SDC2: variants seen among roughly 807,000 people sequenced by gnomAD.
SDC2 encodes the protein syndecan 2, also known as syndecan-2.
A neutral mutation model predicts 22.2 loss-of-function variants in SDC2; 13 were observed. The observed-to-expected ratio is 0.59, with a 90% CI of 0.38 to 0.93. The LOEUF (loss-of-function observed/expected upper bound fraction) is 0.93. Among genes scored for constraint, SDC2 ranks in the 40% least tolerant of loss-of-function variants. The probability of loss-of-function intolerance (pLI) is 0.00; values close to 1 mark genes in which losing one functional copy is unlikely to be tolerated. For synonymous variants in SDC2, 94 were observed against 92.8 expected (o/e 1.01, Z -0.07); for missense variants, 235 against 246.8 (o/e 0.95, Z 0.32).
At chr8:96,570,352 C>T (rs139830439) in intron 1 of SDC2, among the ~76,000 whole-genome samples, 88 of 152,264 alleles carry the variant, frequency 5.8e-4, no homozygotes, top group African/African-American at 2.0e-3. Flanking sequence ...TTTTCAAAAG[C>T]ATCTGCCTTA....
intron 1 of SDC2, among the ~76,000 whole-genome samples, chr8:96,495,250 A>G (rs888981387): frequency 1.3e-5 from 2 of 152,030 alleles, no homozygotes; most frequent in Non-Finnish European, 2.9e-5. Context: ...GGCCGGGAGG[A>G]GTCTCGTCTC....
intron 1 of SDC2, among the ~76,000 whole-genome samples, chr8:96,556,928 G>GA (rs1309447818): frequency 6.6e-6 from 1 of 150,484 alleles, no homozygotes; most frequent in Non-Finnish European, 1.5e-5. Flanking sequence ...AAATTTACAA[G>GA]AAAAAAACAA....
At chr8:96,521,713 A>G (rs778983644) in intron 1 of SDC2, among the ~76,000 whole-genome samples, 1 of 152,220 alleles carries the variant, frequency 6.6e-6, no homozygotes, top group Non-Finnish European at 1.5e-5. Flanking sequence ...CGGTTGTAAC[A>G]AGATCCTCAG....
At position 96,597,844 on chromosome 8, in the gene SDC2, TAAATA is replaced by T. The variant is rs940682857; in HGVS notation, c.172+4258_172+4262del. Reference sequence around the variant, plus strand: ...ATTCTAGGTTCTAGGGACACTTCAGTAAATAAAATCTAACAATGTTTTCTCTGGCG... The same window carrying T: ...ATTCTAGGTTCTAGGGACACTTCAGTAAATCTAACAATGTTTTCTCTGGCG... On this transcript the variant is annotated intron_variant, in intron 2 of 4. Transcript: ENST00000302190. 5.3e-5 allele frequency among the ~76,000 whole-genome samples: 8 copies of T among 152,352 alleles called. No individual in the cohort carries two copies. The East Asian group carries it at 1.5e-3, about 29-fold the overall frequency.
At chr8:96,595,571 A>G (rs1814860207) in intron 2 of SDC2, among the ~76,000 whole-genome samples, 1 of 152,064 alleles carries the variant, frequency 6.6e-6, no homozygotes, top group Non-Finnish European at 1.5e-5. Flanking sequence ...CCAGGAAATA[A>G]TAACTATGGA....
chr8:96,511,052 A>G (rs971755624), intron 1 of SDC2, among the ~76,000 whole-genome samples: 1 of 152,140 alleles, frequency 6.6e-6, no homozygotes, highest in Non-Finnish European at 1.5e-5. Flanking sequence ...CTTGTTAGAA[A>G]TGGAGATTCT....
intron 1 of SDC2, among the ~76,000 whole-genome samples, chr8:96,500,681 A>AAAG (rs1813147952): frequency 6.7e-6 from 1 of 149,836 alleles, no homozygotes; most frequent in Non-Finnish European, 1.5e-5. Flanking sequence ...AAAAAAAAAA[A>AAAG]GAGTGGAAAT....
intron 1 of SDC2, among the ~76,000 whole-genome samples, chr8:96,565,278 G>A (rs35031423): frequency 0.12 from 18,378 of 150,416 alleles, 1,382 homozygotes; most frequent in African/African-American, 0.22. Context: ...GTAGAGACAG[G>A]GTTTCACCAT....
chr8:96,555,346 T>C (rs775768247), intron 1 of SDC2, among the ~76,000 whole-genome samples: 13 of 152,178 alleles, frequency 8.5e-5, no homozygotes, highest in Non-Finnish European at 1.3e-4. Context: ...CTTGGCTAGA[T>C]TTGAACAAAT....
chr8:96,545,979 C>T (rs900157943), intron 1 of SDC2, among the ~76,000 whole-genome samples: 4 of 152,284 alleles, frequency 2.6e-5, no homozygotes, highest in South Asian at 2.1e-4. Flanking sequence ...ATGCGTGCAG[C>T]GAGGCAACAG....
intron 1 of SDC2, among the ~76,000 whole-genome samples, chr8:96,558,986 G>T (rs564013700): frequency 7.2e-5 from 11 of 152,326 alleles, no homozygotes; most frequent in African/African-American, 2.6e-4. Context: ...TGGATTGCCA[G>T]TGGAGGAGCT....
At chr8:96,589,062 T>C (rs868594127) in intron 1 of SDC2, among the ~76,000 whole-genome samples, 1 of 152,256 alleles carries the variant, frequency 6.6e-6, no homozygotes, top group African/African-American at 2.4e-5. Flanking sequence ...CTTGATCTTT[T>C]GTGTATTGAA....
chr8:96,505,917 G>T (rs914397475), intron 1 of SDC2, among the ~76,000 whole-genome samples: 2 of 152,158 alleles, frequency 1.3e-5, no homozygotes, highest in African/African-American at 4.8e-5. Context: ...ATTATTTAGA[G>T]AATTGAAAAT....
chr8:96,500,797 G>A (rs1813149433), intron 1 of SDC2, among the ~76,000 whole-genome samples: 1 of 152,042 alleles, frequency 6.6e-6, no homozygotes. Context: ...TTAGCAACAA[G>A]GATGGAGGGG....
intron 1 of SDC2, among the ~76,000 whole-genome samples, chr8:96,531,191 T>C (rs765960165): frequency 2.0e-4 from 31 of 152,220 alleles, no homozygotes; most frequent in Non-Finnish European, 2.9e-4. Flanking sequence ...AGTAGATTGT[T>C]CAAGGTTACA....
At chr8:96,565,084 A>ATTGTTTTTTTTTTTTTTTTTTTT (rs1814273953) in intron 1 of SDC2, among the ~76,000 whole-genome samples, 1 of 67,800 alleles carries the variant, frequency 1.5e-5, no homozygotes, top group African/African-American at 5.4e-5. Context: ...CCTAAATTTG[A>ATTGTTTTTTTTTTTTTTTTTTTT]TTTTTTTTTT....
intron 1 of SDC2, among the ~76,000 whole-genome samples, chr8:96,539,310 A>G (rs1405919082): frequency 6.6e-6 from 1 of 152,198 alleles, no homozygotes; most frequent in Non-Finnish European, 1.5e-5. Context: ...GAGATGATAT[A>G]AAATTATTTT....
intron 1 of SDC2, among the ~76,000 whole-genome samples, chr8:96,505,694 A>G (rs971154401): frequency 1.3e-5 from 2 of 152,258 alleles, no homozygotes; most frequent in Non-Finnish European, 2.9e-5. Flanking sequence ...TCGCTTAAAT[A>G]AGAATGGTGT....
At chr8:96,554,397 C>T (rs771409139) in intron 1 of SDC2, among the ~76,000 whole-genome samples, 9 of 151,838 alleles carry the variant, frequency 5.9e-5, no homozygotes, top group Non-Finnish European at 5.9e-5. Context: ...ACTATTATAT[C>T]TTTGGGCACA....
Sources: gnomAD v4.1 joint callset for allele counts (sites outside exome capture counted in the v4.1 genomes callset) on GRCh38, gnomAD v4.1.1 for gene constraint, MANE v1.5 for transcripts, NCBI Gene and HGNC (gene_info 2026-07-23, HGNC 2026-07-21) for gene names.